Variants in BIN1 observed in about 807,000 individuals in gnomAD.
BIN1 encodes the protein myc box-dependent-interacting protein 1.
BIN1 carries 53 observed loss-of-function variants against 82.0 expected under a neutral mutation model. That is an observed-to-expected ratio of 0.65 (90% CI 0.52 to 0.81). The LOEUF (loss-of-function observed/expected upper bound fraction) is 0.81. Among genes scored for constraint, BIN1 ranks in the 40% least tolerant of loss-of-function variants. The pLI is 0.00. For synonymous variants in BIN1, 302 were observed against 328.0 expected, an observed-to-expected ratio of 0.92 and a Z score of 0.86; for missense variants, 642 against 784.4, an observed-to-expected ratio of 0.82 and a Z score of 2.17.
chr2:127,064,115 G>T, intron 7 of BIN1, 97 bp from the exon 8 acceptor site: 1 of 1,420,260 alleles, frequency 7.0e-7, no homozygotes, highest in Non-Finnish European at 9.8e-7. Context: ...CTCTTGGCCA[G>T]TGCGCTGGGA....
At position 127,090,401 on chromosome 2, in the gene BIN1, C is replaced by T. The variant is rs780532399; in HGVS notation, c.85-13695G>A. The stretch of plus-strand genomic sequence containing the variant: ...GCCGCGGGGCATCAGTGACACAGGG[C>T]GACCCTCCACCACTTCAGTTGTGCT... On this transcript the variant is annotated intron_variant, in intron 1 of 18. Coordinates refer to ENST00000316724, the MANE Select transcript of BIN1 (RefSeq NM_139343.3). This position sits in a 1 kb window ranked among gnomAD's most constrained non-coding sequence, Gnocchi z 6.4. Among the ~76,000 whole-genome samples the T allele has an allele frequency of 7.2e-5, 11 of 152,258 alleles. No individual in the cohort carries two copies. The highest frequency in any genetic ancestry group is 1.5e-4 in the Non-Finnish European group (10 of 68,046).
Position 127,070,663 on chromosome 2 carries a change from G to A in BIN1, c.221-16C>T, listed in dbSNP as rs1685763923. 6.2e-7 allele frequency: 1 copy of A among 1,613,980 alleles called. No homozygotes were observed. Among genetic ancestry groups the A allele is most frequent in the Non-Finnish European group, 8.5e-7 (1 of 1,179,998 alleles). On this transcript the variant is annotated splice_polypyrimidine_tract_variant and intron_variant, in intron 3 of 18. Coordinates refer to ENST00000316724, the MANE Select transcript of BIN1 (RefSeq NM_139343.3). ...TCGTGCATGGCTGTGGGGCAGAAAG[G>A]AAGTATGTGGGCCTCCCACTGATAG...
At chr2:127,058,852 G>A (rs962790607) in intron 11 of BIN1, among the ~76,000 whole-genome samples, 159 bp downstream of exon 11, 2 of 152,206 alleles carry the variant, frequency 1.3e-5, no homozygotes, top group African/African-American at 4.8e-5. Context: ...TGGGGGAAAG[G>A]AGACCCAGGT....
At chr2:127,087,588 C>T (rs1678345232) in intron 1 of BIN1, among the ~76,000 whole-genome samples, 1 of 152,190 alleles carries the variant, frequency 6.6e-6, no homozygotes, top group African/African-American at 2.4e-5. Flanking sequence ...GGGGTGAGCA[C>T]TCTCACAGTG....
At chr2:127,064,480 C>A (rs1684899655) in intron 7 of BIN1, among the ~76,000 whole-genome samples, 1 of 152,218 alleles carries the variant, frequency 6.6e-6, no homozygotes, top group African/African-American at 2.4e-5. Flanking sequence ...ATTGCCCCCG[C>A]CCCTGAGTGC....
intron 1 of BIN1, among the ~76,000 whole-genome samples, chr2:127,078,324 A>T (rs1379847484): frequency 6.6e-6 from 1 of 152,234 alleles, no homozygotes; most frequent in Non-Finnish European, 1.5e-5. Context: ...CTGTCCTGAC[A>T]TGGGGGAACA....
At chr2:127,058,937 G>A in intron 11 of BIN1, 74 bp downstream of exon 11, 2 of 1,538,430 alleles carry the variant, frequency 1.3e-6, no homozygotes, top group Non-Finnish European at 1.8e-6. Flanking sequence ...AGGAGTGGGA[G>A]GATGGAGGAC....
At chr2:127,062,270 T>G in intron 9 of BIN1, 73 bp from the exon 10 acceptor site, 2 of 1,421,638 alleles carry the variant, frequency 1.4e-6, no homozygotes, top group South Asian at 1.2e-5. Flanking sequence ...CAAACACCTC[T>G]GCTTCTCCCC....
At chr2:127,063,367 C>A (rs1684742239) in intron 9 of BIN1, among the ~76,000 whole-genome samples, 1 of 152,222 alleles carries the variant, frequency 6.6e-6, no homozygotes, top group African/African-American at 2.4e-5. Flanking sequence ...ACTCTCAAAG[C>A]CTCCCCAGCA....
chr2:127,053,636 A>C, intron 13 of BIN1, 191 bp from the exon 14 acceptor site: 1 of 799,042 alleles, frequency 1.3e-6, no homozygotes, highest in Non-Finnish European at 2.1e-6. Context: ...AGGGAGCTTC[A>C]AGACCCCAAG....
Position 127,082,177 on chromosome 2 carries a change from C to T in BIN1, c.85-5471G>A, listed in dbSNP as rs1300801410. ...CGCCCCCCACCTCTGGGTCCAGGCT[C>T]GCTCACTGACTCCCGGGGGCTGTCC... On this transcript the variant is annotated intron_variant, in intron 1 of 18. Coordinates refer to ENST00000316724, the MANE Select transcript of BIN1 (RefSeq NM_139343.3). This position sits in a 1 kb window ranked among gnomAD's most constrained non-coding sequence, Gnocchi z 6.1. Among the ~76,000 whole-genome samples the T allele has an allele frequency of 6.6e-6, 1 of 152,154 alleles. No homozygotes were observed. The highest frequency in any genetic ancestry group is 6.5e-5 in the Admixed American group (1 of 15,286).
intron 17 of BIN1, 35 bp downstream of exon 17, chr2:127,050,767 C>T (rs745860741): frequency 5.6e-6 from 9 of 1,603,396 alleles, no homozygotes; most frequent in East Asian, 2.2e-5. Context: ...ACCAGGGCAC[C>T]GAGGGACTGC....
At chr2:127,079,668 C>T (rs1266968930) in intron 1 of BIN1, among the ~76,000 whole-genome samples, 1 of 152,250 alleles carries the variant, frequency 6.6e-6, no homozygotes, top group African/African-American at 2.4e-5. Flanking sequence ...GTGTGCCTCA[C>T]ACCCTCACCC....
intron 1 of BIN1, among the ~76,000 whole-genome samples, chr2:127,094,084 C>T (rs982825815): frequency 1.3e-5 from 2 of 152,188 alleles, no homozygotes; most frequent in African/African-American, 4.8e-5. Context: ...ATGGAGACAC[C>T]TGTTCTCCCG....
intron 10 of BIN1, among the ~76,000 whole-genome samples, chr2:127,061,400 C>G (rs1684470588): frequency 6.6e-6 from 1 of 152,182 alleles, no homozygotes; most frequent in Non-Finnish European, 1.5e-5. Context: ...TTTACAGAGT[C>G]CATCGGTGTT....
chr2:127,080,773 G>A (rs537108839), intron 1 of BIN1, among the ~76,000 whole-genome samples: 104 of 152,144 alleles, frequency 6.8e-4, no homozygotes, highest in African/African-American at 2.3e-3. Context: ...AGGGCAGGGA[G>A]GGGGGGCAGG....
At chr2:127,097,209 C>A (rs772308069) in intron 1 of BIN1, among the ~76,000 whole-genome samples, 8 of 152,220 alleles carry the variant, frequency 5.3e-5, no homozygotes, top group Non-Finnish European at 1.2e-4. Flanking sequence ...CACACAGGGC[C>A]GTGCATACAG....
intron 1 of BIN1, among the ~76,000 whole-genome samples, chr2:127,102,671 G>A (rs1226768003): frequency 1.3e-5 from 2 of 152,170 alleles, no homozygotes; most frequent in African/African-American, 4.8e-5. Context: ...CTGGGGGATT[G>A]GGGAAGTCTG....
rs184712112 is a variant in BIN1, at chr2:127,105,842, T to C, written c.84+1018A>G. 4.9e-3 allele frequency among the ~76,000 whole-genome samples: 740 copies of C among 152,324 alleles called. 6 individuals carry two copies. Among genetic ancestry groups the C allele is most frequent in the African/African-American group, 0.017 (703 of 41,582 alleles). On this transcript the variant is annotated intron_variant, in intron 1 of 18. Coordinates refer to ENST00000316724, the MANE Select transcript of BIN1 (RefSeq NM_139343.3). ...GGGGGCAGGCCTGGCCGCGGGGCAC[T>C]GGGGGGCCACCCTGGCAGAAACACA...
Sources: gnomAD v4.1 joint callset for allele counts (sites outside exome capture counted in the v4.1 genomes callset) on GRCh38, gnomAD v4.1.1 for gene constraint, Gnocchi (gnomAD v3.1) non-coding constraint, MANE v1.5 for transcripts, NCBI Gene and HGNC (gene_info 2026-07-23, HGNC 2026-07-21) for gene names.